The following EXOC6 variants were observed in gnomAD, a reference collection of about 807,000 sequenced individuals.
The protein encoded by EXOC6 is exocyst complex component 6, also known as SEC15-like 1.
A neutral mutation model predicts 112.5 loss-of-function variants in EXOC6; 60 were observed. That is an observed-to-expected ratio of 0.53 (90% CI 0.43 to 0.66). The LOEUF is 0.66. Ranked by LOEUF, EXOC6 falls within the 30% of genes least tolerant of loss-of-function variation. EXOC6 has a pLI of 0.00. For missense variants in EXOC6, 855 were observed against 957.1 expected (o/e 0.89, Z 1.41); for synonymous variants, 295 against 308.0 (o/e 0.96, Z 0.44).
chr10:92,996,977 T>C (rs835242), intron 18 of EXOC6, among the ~76,000 whole-genome samples: 1,584 of 152,264 alleles, frequency 0.01, 30 homozygotes, highest in African/African-American at 0.036. Context: ...TAAGGACTTA[T>C]GATTCAAAGG....
exon 1 of EXOC6, chr10:92,834,768 T>C: frequency 6.2e-7 from 1 of 1,607,818 alleles, no homozygotes; most frequent in South Asian, 1.1e-5. Flanking sequence ...ATCAAACCTA[T>C]GAGAATGTCC....
intron 20 of EXOC6, among the ~76,000 whole-genome samples, chr10:93,049,637 A>G (rs1011742530): frequency 6.6e-6 from 1 of 152,120 alleles, no homozygotes; most frequent in African/African-American, 2.4e-5. Flanking sequence ...CCCATCCTGG[A>G]GTACAGTTCA....
chr10:93,003,328 A>G (rs949787936), intron 19 of EXOC6, among the ~76,000 whole-genome samples: 1 of 152,154 alleles, frequency 6.6e-6, no homozygotes, highest in Non-Finnish European at 1.5e-5. Flanking sequence ...TTACTGACAA[A>G]TTATTCTATA....
intron 1 of EXOC6, among the ~76,000 whole-genome samples, chr10:92,889,806 G>T (rs949553218): frequency 6.6e-6 from 1 of 151,866 alleles, no homozygotes; most frequent in Admixed American, 6.6e-5. Flanking sequence ...TTGGAGTGCG[G>T]TGGCACAATC....
At chr10:92,993,575 C>A (rs1040623144) in intron 18 of EXOC6, among the ~76,000 whole-genome samples, 1 of 151,982 alleles carries the variant, frequency 6.6e-6, no homozygotes, top group Admixed American at 6.6e-5. Flanking sequence ...ATTTCTCTTA[C>A]AATTATATTA....
chr10:92,862,561 T>G (rs1317670586), intron 1 of EXOC6, among the ~76,000 whole-genome samples: 1 of 152,174 alleles, frequency 6.6e-6, no homozygotes, highest in Non-Finnish European at 1.5e-5. Flanking sequence ...ATGAATCTGC[T>G]GTGATCTTGA....
intron 7 of EXOC6, among the ~76,000 whole-genome samples, chr10:92,916,458 C>T (rs889786405): frequency 1.3e-5 from 2 of 152,080 alleles, no homozygotes; most frequent in East Asian, 1.9e-4. Flanking sequence ...TGTAGTGAGC[C>T]GACATTGTGC....
rs558541031 is a variant in EXOC6, at chr10:92,872,577, G to GTTAA, written c.102-20771_102-20768dup. On this transcript the variant is annotated intron_variant, in intron 1 of 21. Transcript: ENST00000260762. Reference sequence around the variant, plus strand: ...ATCATTCTTGGATTGAGAGAGATATGTTAAAGTCCCCTTTTATTAACTTGT... The same window carrying GTTAA: ...ATCATTCTTGGATTGAGAGAGATATGTTAATTAAAGTCCCCTTTTATTAACTTGT... Among the ~76,000 whole-genome samples the GTTAA allele has an allele frequency of 9.9e-4, 151 of 152,066 alleles. 1 individual carries two copies. The highest frequency in any genetic ancestry group is 3.4e-4 in the Non-Finnish European group (23 of 67,958).
intron 19 of EXOC6, among the ~76,000 whole-genome samples, chr10:93,011,742 C>T (rs1844257678): frequency 6.6e-6 from 1 of 151,826 alleles, no homozygotes; most frequent in African/African-American, 2.4e-5. Context: ...GCTACCTAGG[C>T]CATTTTCAGT....
At chr10:93,056,853 T>A in intron 20 of EXOC6, 71 bp from the exon 21 acceptor site, 1 of 814,032 alleles carries the variant, frequency 1.2e-6, no homozygotes, top group South Asian at 1.6e-5. Flanking sequence ...GGACCAAGGA[T>A]AGCATATAAT....
At chr10:92,928,185 G>A (rs1564837665) in intron 8 of EXOC6, among the ~76,000 whole-genome samples, 154 bp from the exon 9 acceptor site, 1 of 152,032 alleles carries the variant, frequency 6.6e-6, no homozygotes, top group African/African-American at 2.4e-5. Context: ...AAACTATAAT[G>A]GCAAAACTTA....
chr10:93,056,497 G>A (rs995875816), intron 20 of EXOC6, among the ~76,000 whole-genome samples: 19 of 152,168 alleles, frequency 1.2e-4, no homozygotes, highest in Admixed American at 5.9e-4. Context: ...GTCCTTGAAA[G>A]GTAAACATAC....
intron 1 of EXOC6, among the ~76,000 whole-genome samples, chr10:92,867,655 G>A (rs963252683): frequency 6.6e-6 from 1 of 152,094 alleles, no homozygotes; most frequent in African/African-American, 2.4e-5. Context: ...AATGTAAAAT[G>A]AATATGTGCC....
Position 92,896,177 on chromosome 10 carries a change from ATATATTTTTTTTTTTTTTTTTTTTT to A in EXOC6, c.412+1159_412+1183del, listed in dbSNP as rs1849804880. 4.3e-4 allele frequency among the ~76,000 whole-genome samples: 7 copies of A among 16,158 alleles called. 1 individual carries two copies. Among genetic ancestry groups the A allele is most frequent in the African/African-American group, 1.8e-3 (6 of 3,350 alleles). 10.6% of individuals were successfully genotyped at this position (16,158 alleles called of 152,430 possible). On this transcript the variant is annotated intron_variant, in intron 4 of 21. Coordinates refer to ENST00000260762, the MANE Select transcript of EXOC6 (RefSeq NM_019053.6). ...TATATATATATATATATATATATAT[ATATATTTTTTTTTTTTTTTTTTTTT>A]TTTTTTTTTTTTTTTGGCGGAGTCT...
intron 1 of EXOC6, among the ~76,000 whole-genome samples, chr10:92,865,651 T>TG (rs1848138439): frequency 1.3e-5 from 2 of 151,924 alleles, no homozygotes; most frequent in Admixed American, 6.5e-5. Flanking sequence ...TTCACCATGT[T>TG]GGTCAGGCTG....
chr10:92,830,467 A>T (rs1028896215), upstream of EXOC6, among the ~76,000 whole-genome samples: 6 of 152,218 alleles, frequency 3.9e-5, no homozygotes, highest in Non-Finnish European at 1.5e-5. Context: ...GGACTATATC[A>T]ACTTCACACA....
chr10:93,018,041 T>TA (rs1844622075), intron 20 of EXOC6, among the ~76,000 whole-genome samples: 1 of 147,878 alleles, frequency 6.8e-6, no homozygotes, highest in Non-Finnish European at 1.5e-5. Context: ...AAAATAAAAA[T>TA]AAAAATTTTA....
intron 1 of EXOC6, among the ~76,000 whole-genome samples, chr10:92,837,136 A>ACACACACACAC (rs1554878489): frequency 6.6e-6 from 1 of 150,670 alleles, no homozygotes; most frequent in African/African-American, 2.4e-5. Context: ...ACACACACAC[A>ACACACACACAC]AGCCAGAACA....
chr10:92,854,855 C>A (rs1403609140), intron 1 of EXOC6, among the ~76,000 whole-genome samples: 1 of 151,962 alleles, frequency 6.6e-6, no homozygotes, highest in African/African-American at 2.4e-5. Context: ...GAGAATGATA[C>A]CTCATAGAAT....
Sources: allele counts gnomAD v4.1 joint callset (sites outside exome capture counted in the v4.1 genomes callset), GRCh38; gene constraint gnomAD v4.1.1; transcripts MANE v1.5; gene names NCBI Gene and HGNC (gene_info 2026-07-23, HGNC 2026-07-21).